Variants in PPP3CA observed in about 807,000 individuals in gnomAD.
PPP3CA encodes CAM-PRP catalytic subunit.
A neutral mutation model predicts 66.5 loss-of-function variants in PPP3CA; 14 were observed. The ratio of observed to expected loss-of-function variants is 0.21; its 90% CI spans 0.14 to 0.33. The LOEUF (loss-of-function observed/expected upper bound fraction) is 0.33. PPP3CA is among the 10% of genes least tolerant of loss of function. The pLI, the probability that PPP3CA is intolerant of heterozygous loss-of-function variation, is 1.00. For missense variants in PPP3CA, 317 were observed against 639.5 expected, an observed-to-expected ratio of 0.50 and a Z score of 5.44; for synonymous variants, 232 against 226.2, an observed-to-expected ratio of 1.03 and a Z score of -0.23.
intron 1 of PPP3CA, among the ~76,000 whole-genome samples, chr4:101,197,449 G>A (rs916180706): frequency 3.3e-5 from 5 of 152,170 alleles, no homozygotes; most frequent in African/African-American, 1.2e-4. Context: ...TTTGGTGGCT[G>A]AGCAGGAGGC....
chr4:101,143,066 C>A (rs1402199273), intron 2 of PPP3CA, among the ~76,000 whole-genome samples: 1 of 152,186 alleles, frequency 6.6e-6, no homozygotes, highest in African/African-American at 2.4e-5. Context: ...CCTTAGCCTT[C>A]ACTTTCAGCA....
chr4:101,259,560 A>G (rs142994567), intron 1 of PPP3CA, among the ~76,000 whole-genome samples: 102 of 152,280 alleles, frequency 6.7e-4, no homozygotes, highest in Non-Finnish European at 1.2e-3. Context: ...TCTAAGTGCT[A>G]GCTTAAAAAA....
chr4:101,323,916 C>G lies in PPP3CA; in HGVS notation c.58+22823G>C, dbSNP rs549704033. Among the ~76,000 whole-genome samples, 13 of 152,144 alleles carry G rather than the reference C, an allele frequency of 8.5e-5. 1 individual carries two copies. In the East Asian group the frequency reaches 2.5e-3, roughly 30 times the overall value. On this transcript the variant is annotated intron_variant, in intron 1 of 13. Coordinates refer to ENST00000394854, the MANE Select transcript of PPP3CA (RefSeq NM_000944.5). ...TTGAGGTCAGGAGTTCAAGATCAGCCAGGCTGGCCAACATGGTGAAACCTG... is the reference window on the plus strand; with the variant it reads ...TTGAGGTCAGGAGTTCAAGATCAGCGAGGCTGGCCAACATGGTGAAACCTG...
intron 2 of PPP3CA, among the ~76,000 whole-genome samples, chr4:101,182,808 G>T (rs1724284127): frequency 6.6e-6 from 1 of 152,098 alleles, no homozygotes; most frequent in South Asian, 2.1e-4. Context: ...GCTTTCTCAT[G>T]CTGGTCTCAT....
intron 2 of PPP3CA, among the ~76,000 whole-genome samples, chr4:101,194,695 T>C (rs1724729270): frequency 5.3e-5 from 8 of 152,070 alleles, no homozygotes; most frequent in Admixed American, 5.2e-4. Flanking sequence ...GCCATCGAAG[T>C]AGCTGGGATT....
intron 8 of PPP3CA, among the ~76,000 whole-genome samples, chr4:101,070,899 C>G (rs907421767): frequency 2.0e-5 from 3 of 152,128 alleles, no homozygotes; most frequent in African/African-American, 7.2e-5. Flanking sequence ...TGAATTTCTT[C>G]TAGCAAATTT....
At chr4:101,220,172 T>A (rs1242367068) in intron 1 of PPP3CA, among the ~76,000 whole-genome samples, 1 of 151,812 alleles carries the variant, frequency 6.6e-6, no homozygotes, top group African/African-American at 2.4e-5. Context: ...AAATCAGATT[T>A]AGTGGCCTAC....
At chr4:101,046,365 A>G (rs1276439509) in intron 10 of PPP3CA, among the ~76,000 whole-genome samples, 1 of 152,148 alleles carries the variant, frequency 6.6e-6, no homozygotes, top group Non-Finnish European at 1.5e-5. Flanking sequence ...GTTGTATTTT[A>G]TTTGATAGAA....
At chr4:101,274,233 G>A (rs1727420935) in intron 1 of PPP3CA, among the ~76,000 whole-genome samples, 1 of 152,186 alleles carries the variant, frequency 6.6e-6, no homozygotes, top group South Asian at 2.1e-4. Context: ...GAACCCAGGA[G>A]GCGGAGGTTA....
At chr4:101,099,062 C>T (rs1730328161) in intron 4 of PPP3CA, among the ~76,000 whole-genome samples, 1 of 152,030 alleles carries the variant, frequency 6.6e-6, no homozygotes, top group South Asian at 2.1e-4. Context: ...TTCCATTTAA[C>T]TGTATTTATA....
At chr4:101,240,070 G>C (rs541259636) in intron 1 of PPP3CA, among the ~76,000 whole-genome samples, 39 of 151,320 alleles carry the variant, frequency 2.6e-4, no homozygotes, top group African/African-American at 8.5e-4. Flanking sequence ...GAGGTAGATA[G>C]TTACTGGAAC....
At chr4:101,124,723 A>AAGAGAGAG (rs371341410) in intron 2 of PPP3CA, among the ~76,000 whole-genome samples, 2 of 48,248 alleles carry the variant, frequency 4.1e-5, no homozygotes, top group East Asian at 5.6e-4. Context: ...GAAAGAAAGA[A>AAGAGAGAG]AGAGAAAGAA....
At chr4:101,076,324 G>T (rs1729190192) in intron 8 of PPP3CA, among the ~76,000 whole-genome samples, 1 of 149,546 alleles carries the variant, frequency 6.7e-6, no homozygotes. Context: ...AAAAAAAAAT[G>T]CTTAAATCAA....
intron 1 of PPP3CA, among the ~76,000 whole-genome samples, chr4:101,225,182 T>G (rs905849574): frequency 1.3e-5 from 2 of 151,988 alleles, no homozygotes; most frequent in Admixed American, 1.3e-4. Context: ...TTTCTAGCTT[T>G]ACTTTTCCCC....
At chr4:101,171,689 TAGA>T (rs1723886532) in intron 2 of PPP3CA, among the ~76,000 whole-genome samples, 1 of 152,186 alleles carries the variant, frequency 6.6e-6, no homozygotes, top group Admixed American at 6.6e-5. Context: ...CATGACTTTG[TAGA>T]AGAATTTATT....
chr4:101,221,310 G>C (rs1346310797), intron 1 of PPP3CA, among the ~76,000 whole-genome samples: 1 of 151,622 alleles, frequency 6.6e-6, no homozygotes, highest in Admixed American at 6.6e-5. Context: ...AGTTGCCTCT[G>C]TAGTGCTATG....
At chr4:101,311,597 C>A (rs547222318) in intron 1 of PPP3CA, among the ~76,000 whole-genome samples, 1 of 152,024 alleles carries the variant, frequency 6.6e-6, no homozygotes, top group Non-Finnish European at 1.5e-5. Flanking sequence ...CTGGCCAACA[C>A]GGCGAAAACC....
At position 101,057,966 on chromosome 4, in the gene PPP3CA, T is replaced by C. The variant is rs143077579; in HGVS notation, c.1156+3121A>G. 4.6e-5 allele frequency among the ~76,000 whole-genome samples: 7 copies of C among 152,186 alleles called. No homozygotes were observed. The East Asian group carries it at 1.2e-3, about 25-fold the overall frequency. ...TTCCTCCTCCTCTCATATGTACATA[T>C]ACAAAAGAAATAAAACATAAGATTA... On this transcript the variant is annotated intron_variant, in intron 10 of 13. Transcript: ENST00000394854.
chr4:101,050,787 T>A (rs1727974806), intron 10 of PPP3CA, among the ~76,000 whole-genome samples: 1 of 152,204 alleles, frequency 6.6e-6, no homozygotes, highest in Admixed American at 6.6e-5. Flanking sequence ...TACCTGCTAA[T>A]GCACGTAAAA....
Sources: gnomAD v4.1 joint callset for allele counts (sites outside exome capture counted in the v4.1 genomes callset) on GRCh38, gnomAD v4.1.1 for gene constraint, MANE v1.5 for transcripts, NCBI Gene and HGNC (gene_info 2026-07-23, HGNC 2026-07-21) for gene names.